The following CREB5 variants were observed in gnomAD, a reference collection of about 807,000 sequenced individuals.
CREB5 encodes the protein cAMP responsive element binding protein 5, also known as cyclic AMP-responsive element-binding protein 5.
A neutral mutation model predicts 57.1 loss-of-function variants in CREB5; 19 were observed. The observed-to-expected ratio is 0.33, with a 90% CI of 0.23 to 0.49. The LOEUF (loss-of-function observed/expected upper bound fraction) is 0.49. Ranked by LOEUF, CREB5 falls within the 20% of genes least tolerant of loss-of-function variation. CREB5 has a pLI of 0.99. For missense variants in CREB5, 579 were observed against 671.6 expected, an observed-to-expected ratio of 0.86 and a Z score of 1.52; for synonymous variants, 238 against 238.3, an observed-to-expected ratio of 1.00 and a Z score of 0.01.
At chr7:28,516,618 A>G (rs1039810169) in intron 4 of CREB5, among the ~76,000 whole-genome samples, 1 of 152,214 alleles carries the variant, frequency 6.6e-6, no homozygotes, top group African/African-American at 2.4e-5. Context: ...AATCAGTCCA[A>G]GTGGATTCTA....
chr7:28,531,409 C>T (rs555562820), intron 4 of CREB5, among the ~76,000 whole-genome samples: 2 of 152,296 alleles, frequency 1.3e-5, no homozygotes, highest in African/African-American at 4.8e-5. Context: ...AGATGCATCA[C>T]TCCAGTCTCC....
At chr7:28,587,512 A>G (rs900206072) in intron 5 of CREB5, among the ~76,000 whole-genome samples, 2 of 102,158 alleles carry the variant, frequency 2.0e-5, no homozygotes, top group African/African-American at 3.8e-5. Context: ...AAAAAAATAC[A>G]TTTTGTAAAA....
intron 1 of CREB5, among the ~76,000 whole-genome samples, chr7:28,400,563 T>C (rs1419100963): frequency 3.3e-5 from 5 of 152,228 alleles, no homozygotes; most frequent in African/African-American, 1.2e-4. Flanking sequence ...AGGCAGAATA[T>C]TTTAAAACCA....
chr7:28,811,858 A>T (rs1392655003), intron 9 of CREB5, among the ~76,000 whole-genome samples: 3 of 152,218 alleles, frequency 2.0e-5, no homozygotes, highest in African/African-American at 7.2e-5. Context: ...ATATTACCGC[A>T]GTGGTTCTGC....
intron 5 of CREB5, among the ~76,000 whole-genome samples, chr7:28,644,358 A>G (rs1798808273): frequency 1.3e-5 from 2 of 152,076 alleles, no homozygotes; most frequent in Non-Finnish European, 2.9e-5. Context: ...ATTCCACAGT[A>G]GCACCAGAGG....
At chr7:28,754,703 G>A (rs1383001542) in intron 7 of CREB5, among the ~76,000 whole-genome samples, 1 of 152,200 alleles carries the variant, frequency 6.6e-6, no homozygotes, top group Non-Finnish European at 1.5e-5. Flanking sequence ...CATTAGAGCT[G>A]TGAGAACATG....
intron 3 of CREB5, among the ~76,000 whole-genome samples, chr7:28,504,636 T>A (rs1792404333): frequency 6.6e-6 from 1 of 152,160 alleles, no homozygotes; most frequent in South Asian, 2.1e-4. Flanking sequence ...TGAAAGTTTT[T>A]TTTGTTGTTA....
intron 1 of CREB5, among the ~76,000 whole-genome samples, 190 bp downstream of exon 1, chr7:28,413,107 TGTG>T (rs1223878650): frequency 6.6e-6 from 1 of 151,700 alleles, no homozygotes; most frequent in East Asian, 1.9e-4. Context: ...TGTGTGTGTG[TGTG>T]TGTGTGTGTG....
At chr7:28,411,942 A>G (rs1787820693), upstream of CREB5, among the ~76,000 whole-genome samples, 3 of 146,388 alleles carry the variant, frequency 2.0e-5, no homozygotes, top group South Asian at 2.1e-4. Flanking sequence ...TTTGTGATGC[A>G]TAGACTTAAA....
At chr7:28,714,791 G>A (rs1357106288) in intron 5 of CREB5, among the ~76,000 whole-genome samples, 4 of 152,198 alleles carry the variant, frequency 2.6e-5, no homozygotes, top group Non-Finnish European at 5.9e-5. Context: ...GCAGGACTCA[G>A]TTTAGTAATT....
At chr7:28,641,461 A>T (rs191923096) in intron 5 of CREB5, among the ~76,000 whole-genome samples, 2 of 152,316 alleles carry the variant, frequency 1.3e-5, no homozygotes, top group East Asian at 3.9e-4. Context: ...GCCAACACCC[A>T]CATAGCAACT....
chr7:28,537,983 A>T (rs1794034325), intron 4 of CREB5, among the ~76,000 whole-genome samples: 1 of 152,136 alleles, frequency 6.6e-6, no homozygotes, highest in South Asian at 2.1e-4. Context: ...ACACTGGGGG[A>T]AAAAATCTGT....
At chr7:28,442,793 C>T (rs1217925805) in intron 1 of CREB5, among the ~76,000 whole-genome samples, 9 of 152,152 alleles carry the variant, frequency 5.9e-5, no homozygotes, top group Non-Finnish European at 1.2e-4. Context: ...TATCTTGAGT[C>T]AGTATCACTC....
chr7:28,505,908 C>G (rs190105353), intron 3 of CREB5, among the ~76,000 whole-genome samples: 52 of 152,246 alleles, frequency 3.4e-4, no homozygotes, highest in Admixed American at 2.6e-3. Flanking sequence ...ATGTGTGCCT[C>G]TTAATAAATA....
chr7:28,551,406 A>AT (rs1470633299), intron 4 of CREB5, among the ~76,000 whole-genome samples: 3 of 151,890 alleles, frequency 2.0e-5, no homozygotes, highest in African/African-American at 7.3e-5. Context: ...ATGTCCGCCC[A>AT]CCCCTAGCCA....
intron 2 of CREB5, chr7:28,491,116 A>G (rs1389108579): frequency 1.0e-5 from 7 of 699,574 alleles, no homozygotes; most frequent in Non-Finnish European, 1.2e-5. Context: ...CGGAGGTGGC[A>G]AGCATAGAGA....
chr7:28,511,699 C>T (rs954411426), intron 4 of CREB5, among the ~76,000 whole-genome samples: 7 of 152,130 alleles, frequency 4.6e-5, no homozygotes, highest in African/African-American at 1.2e-4. Context: ...TTGCCCAGGC[C>T]GGTCTCAAAC....
chr7:28,698,398 C>T (rs904474582), intron 5 of CREB5, among the ~76,000 whole-genome samples: 40 of 151,130 alleles, frequency 2.6e-4, no homozygotes, highest in African/African-American at 9.3e-4. Flanking sequence ...AGAGAACTTC[C>T]TGATTAAAGT....
chr7:28,406,225 A>G (rs1787576732), intron 1 of CREB5, among the ~76,000 whole-genome samples: 1 of 152,180 alleles, frequency 6.6e-6, no homozygotes, highest in African/African-American at 2.4e-5. Flanking sequence ...AAGGCTGTAA[A>G]TGTCTTAAAA....
Sources: allele counts gnomAD v4.1 joint callset (sites outside exome capture counted in the v4.1 genomes callset), GRCh38; gene constraint gnomAD v4.1.1; transcripts MANE v1.5; gene names NCBI Gene and HGNC (gene_info 2026-07-23, HGNC 2026-07-21).